CHODL: variants seen among roughly 807,000 people sequenced by gnomAD.
The protein encoded by CHODL is chondrolectin.
CHODL carries 29 observed loss-of-function variants against 34.5 expected under a neutral mutation model. The observed-to-expected ratio is 0.84, with a 90% confidence interval of 0.63 to 1.15. The LOEUF (loss-of-function observed/expected upper bound fraction) is 1.15, where lower values mean the gene tolerates loss of function less well. Ranked by LOEUF, CHODL falls within the 50% of genes most tolerant of loss-of-function variation. CHODL has a pLI of 0.00. For missense variants in CHODL, 332 were observed against 332.5 expected (o/e 1.00, Z 0.01); for synonymous variants, 125 against 116.1 (o/e 1.08, Z -0.49).
intron 2 of CHODL, among the ~76,000 whole-genome samples, chr21:18,085,693 G>C (rs570833662): frequency 6.6e-6 from 1 of 152,106 alleles, no homozygotes; most frequent in Admixed American, 6.5e-5. Context: ...TTCTCTTCTA[G>C]CCTGGAGGTT....
intron 2 of CHODL, among the ~76,000 whole-genome samples, chr21:18,072,125 TAATTCTA>T (rs976146337): frequency 6.6e-6 from 1 of 152,064 alleles, no homozygotes; most frequent in African/African-American, 2.4e-5. Context: ...ACAACGTTCT[TAATTCTA>T]AAACTATTAA....
At chr21:17,959,568 C>T (rs1024110521) in intron 1 of CHODL, among the ~76,000 whole-genome samples, 10 of 152,028 alleles carry the variant, frequency 6.6e-5, no homozygotes, top group Non-Finnish European at 7.4e-5. Context: ...AAAAAGGAAA[C>T]GGGCAGAGAG....
chr21:18,138,934 C>T (rs1370768270), intron 2 of CHODL, among the ~76,000 whole-genome samples: 1 of 151,996 alleles, frequency 6.6e-6, no homozygotes, highest in African/African-American at 2.4e-5. Flanking sequence ...TAGATACAGG[C>T]ATGGATGAAC....
rs2073266599 is a variant in CHODL, at chr21:18,174,123, G to GTGTATATATATATATA, written c.-44-82385_-44-82384insGTATATATATATATAT. 1.9e-4 allele frequency among the ~76,000 whole-genome samples: 4 copies of GTGTATATATATATATA among 21,568 alleles called. 1 individual carries two copies. Among genetic ancestry groups the GTGTATATATATATATA allele is most frequent in the Non-Finnish European group, 5.7e-4 (4 of 6,984 alleles). 14.1% of individuals were successfully genotyped at this position (21,568 alleles called of 152,430 possible). ...GATATATATATATATATATCTTGGT[G>GTGTATATATATATATA]TATATATATATATATATATATATAT... On this transcript the variant is annotated intron_variant, in intron 2 of 6. Coordinates refer to the CHODL transcript ENST00000400127.
At chr21:18,198,959 A>G (rs994411487) in intron 2 of CHODL, among the ~76,000 whole-genome samples, 51 of 152,150 alleles carry the variant, frequency 3.4e-4, no homozygotes, top group African/African-American at 1.0e-3. Flanking sequence ...TTTGGTTTAA[A>G]AGTAAACTTT....
chr21:18,237,948 A>C (rs1236718489), intron 2 of CHODL, among the ~76,000 whole-genome samples: 5 of 152,196 alleles, frequency 3.3e-5, no homozygotes, highest in Non-Finnish European at 7.4e-5. Flanking sequence ...GAATAAGTGC[A>C]ATATGTGCTC....
intron 1 of CHODL, among the ~76,000 whole-genome samples, chr21:17,991,658 A>ATTTTTTTTTTTTTTTTTTT (rs35600353): frequency 7.8e-6 from 1 of 128,408 alleles, no homozygotes; most frequent in Non-Finnish European, 1.6e-5. Context: ...AGATTATTTG[A>ATTTTTTTTTTTTTTTTTTT]TTTTTTTTTT....
intron 1 of CHODL, among the ~76,000 whole-genome samples, chr21:17,973,323 G>A (rs1231298585): frequency 6.6e-6 from 1 of 151,774 alleles, no homozygotes; most frequent in Non-Finnish European, 1.5e-5. Flanking sequence ...CTCCTGCACA[G>A]CAAAAGAAAC....
chr21:18,085,663 A>C (rs965105492), intron 2 of CHODL, among the ~76,000 whole-genome samples: 1 of 152,192 alleles, frequency 6.6e-6, no homozygotes, highest in Non-Finnish European at 1.5e-5. Flanking sequence ...TACTTCCAAC[A>C]ATTTGAAAAT....
rs371708972 is a variant in CHODL at position 18,257,114 on chromosome 21, C to A, written c.534C>A (p.Cys178Ter). Residue 178 changes from cysteine (C) to a stop codon, truncating the protein, a stop_gained, in exon 3 of 6, where the codon TGC becomes TGA. Transcript: ENST00000299295. LOFTEE classifies it high-confidence loss of function. ...GTAACATGAAGCACAATTATATTTG[C>A]AAGTATGAACCAGGTAAGCAGTAGC... is the stretch of plus-strand genomic sequence containing the variant. ...DRCNMKHNYI[C>*]KYEPEINPTA... 1.9e-6 allele frequency: 3 copies of A among 1,611,110 alleles called. No individual in the cohort carries two copies. In the African/African-American group the frequency reaches 4.0e-5, roughly 22 times the overall value.
intron 2 of CHODL, among the ~76,000 whole-genome samples, chr21:18,136,335 G>T (rs913770690): frequency 1.3e-5 from 2 of 151,856 alleles, no homozygotes; most frequent in Admixed American, 6.6e-5. Flanking sequence ...GATTTTCTGG[G>T]CAGTCTCATG....
At chr21:18,049,185 C>T (rs2064482515) in intron 2 of CHODL, among the ~76,000 whole-genome samples, 1 of 151,762 alleles carries the variant, frequency 6.6e-6, no homozygotes, top group African/African-American at 2.4e-5. Context: ...ATTCTATTAC[C>T]AGTTGAATGA....
chr21:18,265,904 A>C, intron 5 of CHODL, 50 bp from the exon 6 acceptor site: 1 of 1,453,164 alleles, frequency 6.9e-7, no homozygotes, highest in South Asian at 1.2e-5. Flanking sequence ...AGACATGCTT[A>C]GTTTAATAAG....
chr21:18,209,317 A>G (rs2073748326), intron 2 of CHODL, among the ~76,000 whole-genome samples: 1 of 152,172 alleles, frequency 6.6e-6, no homozygotes, highest in Non-Finnish European at 1.5e-5. Flanking sequence ...ACCCAGGCCC[A>G]CAGTGAGTAC....
chr21:18,108,338 C>T (rs1452818783), intron 2 of CHODL, among the ~76,000 whole-genome samples: 3 of 151,982 alleles, frequency 2.0e-5, no homozygotes, highest in Admixed American at 1.3e-4. Context: ...AGTGACATGC[C>T]CTCAATGACG....
At chr21:17,991,580 A>T (rs197561) in intron 1 of CHODL, among the ~76,000 whole-genome samples, 82,099 of 150,520 alleles carry the variant, frequency 0.55, 23,158 homozygotes, top group African/African-American at 0.69. Context: ...TTTTTAATAT[A>T]CCTATTGGCC....
At chr21:17,926,374 G>GATAAGGT (rs1491096222) in intron 1 of CHODL, among the ~76,000 whole-genome samples, 1 of 68,080 alleles carries the variant, frequency 1.5e-5, no homozygotes, top group African/African-American at 3.5e-5. Flanking sequence ...TAAATAAGGT[G>GATAAGGT]GGTTTTTTTT....
intron 2 of CHODL, among the ~76,000 whole-genome samples, chr21:18,204,277 A>T (rs948736047): frequency 6.6e-6 from 1 of 152,142 alleles, no homozygotes; most frequent in Non-Finnish European, 1.5e-5. Flanking sequence ...CTTATTGAAA[A>T]TATCTTTTAA....
chr21:18,007,343 A>G (rs1324319004), intron 1 of CHODL, among the ~76,000 whole-genome samples: 2 of 152,212 alleles, frequency 1.3e-5, no homozygotes, highest in African/African-American at 4.8e-5. Context: ...CACATTTCCC[A>G]GTGAACTGTT....
Sources: gnomAD v4.1 joint callset for allele counts (sites outside exome capture counted in the v4.1 genomes callset) on GRCh38, gnomAD v4.1.1 for gene constraint, MANE v1.5 for transcripts, NCBI Gene and HGNC (gene_info 2026-07-23, HGNC 2026-07-21) for gene names.